Variants in HSPB6 observed in about 807,000 individuals in gnomAD.
The protein encoded by HSPB6 is heat shock protein beta-6.
A neutral mutation model predicts 10.7 loss-of-function variants in HSPB6; 8 were observed. The ratio of observed to expected loss-of-function variants is 0.75; its 90% CI spans 0.44 to 1.35. The LOEUF is 1.35. Among genes scored for constraint, HSPB6 ranks in the 40% most tolerant of loss-of-function variants. HSPB6 has a pLI of 0.00. For missense variants in HSPB6, 232 were observed against 236.0 expected (o/e 0.98, Z 0.11); for synonymous variants, 128 against 114.2 (o/e 1.12, Z -0.77).
rs759986841 is a variant in HSPB6 at position 35,754,808 on chromosome 19, G to A, written c.*714C>T. Reference sequence around the variant, plus strand: ...GGAGGGGGCCTAGGACATCCGTGCAGAGTCTGGGGAGGTTGGGGTGGGAGA... The same window carrying A: ...GGAGGGGGCCTAGGACATCCGTGCAAAGTCTGGGGAGGTTGGGGTGGGAGA... On this transcript the variant is annotated 3_prime_UTR_variant, in exon 3 of 3. Transcript: ENST00000004982. 4.5e-5 allele frequency: 19 copies of A among 424,064 alleles called. No individual in the cohort carries two copies. Among genetic ancestry groups the A allele is most frequent in the Non-Finnish European group, 8.4e-5 (19 of 226,916 alleles). 26.3% of individuals were successfully genotyped at this position (424,064 alleles called of 1,614,324 possible).
rs1435589327 is a variant in HSPB6 at position 35,754,977 on chromosome 19, G to C, written c.*545C>G. 1.4e-5 allele frequency: 4 copies of C among 282,554 alleles called. No individual in the cohort carries two copies. The East Asian group carries it at 4.1e-4, about 29-fold the overall frequency. The allele number at this position is 282,554 out of a possible 1,614,324, so 17.5% of individuals were successfully genotyped here. A position where few individuals can be genotyped will look rare whatever the true frequency, so the allele number is the denominator to read the frequency against. On this transcript the variant is annotated 3_prime_UTR_variant, in exon 3 of 3. Transcript: ENST00000004982. ...GGAGGGGGCAGTTGTAGACTGTCTGGTTGCAGGGGAAGGATCGGGTCTTGG... is the reference window on the plus strand; with the variant it reads ...GGAGGGGGCAGTTGTAGACTGTCTGCTTGCAGGGGAAGGATCGGGTCTTGG...
chr19:35,756,177 C>G (rs1019291561), intron 1 of HSPB6, among the ~76,000 whole-genome samples: 3 of 152,008 alleles, frequency 2.0e-5, no homozygotes, highest in Non-Finnish European at 2.9e-5. Context: ...GTCAGCGAAT[C>G]CGAAGTCATC....
chr19:35,756,567 G>A (rs1181146529), intron 1 of HSPB6, among the ~76,000 whole-genome samples: 1 of 152,164 alleles, frequency 6.6e-6, no homozygotes, highest in Non-Finnish European at 1.5e-5. Context: ...GAGTGACCCA[G>A]GCCTTCCATT....
At position 35,755,814 on chromosome 19, in the gene HSPB6, C is replaced by A; in HGVS notation, c.279G>T (p.Val93=). 6.3e-7 allele frequency: 1 copy of A among 1,597,086 alleles called. No individual in the cohort carries two copies. Among genetic ancestry groups the A allele is most frequent in the East Asian group, 2.3e-5 (1 of 43,832 alleles). The change falls in exon 2 of 3, where the codon GTG becomes GTT. Residue 93 remains valine (V), a synonymous_variant. Coordinates refer to ENST00000004982, the MANE Select transcript of HSPB6 (RefSeq NM_144617.3). The stretch of plus-strand genomic sequence containing the variant: ...GCGCGTGCACCTCCACGTGTTCGCC[C>A]ACCACCTTGACAGCAATTTCCTCCG... ...FSPEEIAVKV[V]GEHVEVHARH... is the part of the protein sequence containing the mutation.
At chr19:35,756,463 G>T (rs1970758177) in intron 1 of HSPB6, among the ~76,000 whole-genome samples, 1 of 152,132 alleles carries the variant, frequency 6.6e-6, no homozygotes, top group Admixed American at 6.5e-5. Context: ...CCGAGACTAA[G>T]AACATTCCTT....
At position 35,755,498 on chromosome 19, in the gene HSPB6, G is replaced by C; in HGVS notation, c.*24C>G. ...GAGGGAGCCTGAGGAGGCTCCCGGG[G>C]TGCGGGCGCGGCCCAGCCCCCTCCT... On this transcript the variant is annotated 3_prime_UTR_variant, in exon 3 of 3. Coordinates refer to ENST00000004982, the MANE Select transcript of HSPB6 (RefSeq NM_144617.3). The C allele has an allele frequency of 6.6e-7, 1 of 1,514,164 alleles. No homozygotes were observed. The highest frequency in any genetic ancestry group is 8.8e-7 in the Non-Finnish European group (1 of 1,137,456). 93.8% of individuals were successfully genotyped at this position (1,514,164 alleles called of 1,614,324 possible). A position where few individuals can be genotyped will look rare whatever the true frequency, so the allele number is the denominator to read the frequency against.
In HSPB6 at chr19:35,754,751, G is replaced by A; in HGVS notation, c.*771C>T. The A allele has an allele frequency of 3.9e-6, 2 of 515,944 alleles. No homozygotes were observed. The highest frequency in any genetic ancestry group is 7.0e-6 in the Non-Finnish European group (2 of 284,468). 32.0% of individuals were successfully genotyped at this position (515,944 alleles called of 1,614,324 possible). On this transcript the variant is annotated 3_prime_UTR_variant, in exon 3 of 3. Coordinates refer to ENST00000004982, the MANE Select transcript of HSPB6 (RefSeq NM_144617.3). ...GAAGACTTGGGGGTCAAGACAAAGGGACTTAGGGGGATGGGGTCTGGTTAG... is the reference window on the plus strand; with the variant it reads ...GAAGACTTGGGGGTCAAGACAAAGGAACTTAGGGGGATGGGGTCTGGTTAG...
In HSPB6 at chr19:35,755,642, G is replaced by T. The variant is rs1380073515; in HGVS notation, c.363C>A (p.Tyr121Ter). Reference protein sequence around the residue: ...GFVAREFHRRYRLPPGVDPAA... With the variant: ...GFVAREFHRR Reference sequence around the variant, plus strand: ...CCGGATCCACGCCAGGCGGCAGGCGGTAGCGACGGTGGAACTCGCGCGCGA... The same window carrying T: ...CCGGATCCACGCCAGGCGGCAGGCGTTAGCGACGGTGGAACTCGCGCGCGA... Residue 121 changes from tyrosine (Y) to a stop codon, truncating the protein, a stop_gained, in exon 3 of 3, where the codon TAC becomes TAA. Transcript: ENST00000004982. LOFTEE classifies it high-confidence loss of function. 1 of 1,534,104 alleles carries T rather than the reference G, an allele frequency of 6.5e-7. No homozygotes were observed. The highest frequency in any genetic ancestry group is 8.7e-7 in the Non-Finnish European group (1 of 1,144,506).
At position 35,756,864 on chromosome 19, in the gene HSPB6, TG is replaced by T. The variant is rs1970768858; in HGVS notation, c.144del (p.Thr49ArgfsTer30). 6.5e-7 allele frequency: 1 copy of T among 1,537,522 alleles called. No homozygotes were observed. The highest frequency in any genetic ancestry group is 8.7e-7 in the Non-Finnish European group (1 of 1,146,052). ...GCGCGCAGGTAGTAGGGGGCGAGCG[TG>T]GTGGGGCAGAGCGCAGCCAGCTCGG... ...LEAELAALCPTTLAPYYLRAP... is the reference protein window; with the variant it reads ...LEAELAALCPXTLAPYYLRAP... On this transcript the variant is annotated frameshift_variant, in exon 1 of 3. Coordinates refer to ENST00000004982, the MANE Select transcript of HSPB6 (RefSeq NM_144617.3). LOFTEE classifies it high-confidence loss of function.
chr19:35,754,606 G>A lies in HSPB6; in HGVS notation c.*916C>T. The A allele has an allele frequency of 3.6e-6, 3 of 839,686 alleles. No individual in the cohort carries two copies. Among genetic ancestry groups the A allele is most frequent in the Non-Finnish European group, 3.9e-6 (2 of 514,470 alleles). 52.0% of individuals were successfully genotyped at this position (839,686 alleles called of 1,614,324 possible). A position where few individuals can be genotyped will look rare whatever the true frequency, so the allele number is the denominator to read the frequency against. ...CACATTTATTGGGAGAGTAAGCCTG[G>A]GAAAGACTAAGGGAGTGGTGGCAGG... On this transcript the variant is annotated 3_prime_UTR_variant, in exon 3 of 3. Transcript: ENST00000004982.
intron 1 of HSPB6, 22 bp from the exon 2 acceptor site, chr19:35,755,916 G>C (rs1243287196): frequency 3.2e-6 from 5 of 1,550,336 alleles, no homozygotes; most frequent in Non-Finnish European, 4.4e-6. Flanking sequence ...GGGCGCGGGC[G>C]GGACTGTCAT....
chr19:35,756,859 G>C lies in HSPB6; in HGVS notation c.150C>G (p.Leu50=). Residue 50 remains leucine, a synonymous_variant, in exon 1 of 3, where the codon CTC becomes CTG. Coordinates refer to ENST00000004982, the MANE Select transcript of HSPB6 (RefSeq NM_144617.3). ...AELAALCPTT[L]APYYLRAPSV... is the part of the protein sequence containing the mutation. ...TGGGTGCGCGCAGGTAGTAGGGGGC[G>C]AGCGTGGTGGGGCAGAGCGCAGCCA... The C allele has an allele frequency of 6.5e-7, 1 of 1,537,642 alleles. No homozygotes were observed. Among genetic ancestry groups the C allele is most frequent in the Non-Finnish European group, 8.7e-7 (1 of 1,146,308 alleles).
Position 35,756,820 on chromosome 19 carries a change from G to T in HSPB6, c.189C>A (p.Pro63=). The T allele has an allele frequency of 6.5e-7, 1 of 1,536,012 alleles. No homozygotes were observed. ...TCCCCAGGCCTGGCACCTGGGCGAC[G>T]GGCAGCGCCACGCTGGGTGCGCGCA... The part of the protein sequence containing the change: ...YYLRAPSVAL[P]VAQVPTDPGH... Residue 63 remains proline (P), a synonymous_variant, in exon 1 of 3, where the codon CCC becomes CCA. Transcript: ENST00000004982.
chr19:35,756,961 C>T lies in HSPB6; in HGVS notation c.48G>A (p.Ser16=). The T allele has an allele frequency of 1.3e-6, 2 of 1,544,930 alleles. No individual in the cohort carries two copies. The highest frequency in any genetic ancestry group is 8.7e-7 in the Non-Finnish European group (1 of 1,146,620). ...PVQPSWLRRA[S]APLPGLSAPG... is the part of the protein sequence containing the mutation. Reference sequence around the variant, plus strand: ...GCGCCGAAAGTCCGGGCAACGGGGCCGAGGCGCGGCGCAGCCAAGACGGCT... The same window carrying T: ...GCGCCGAAAGTCCGGGCAACGGGGCTGAGGCGCGGCGCAGCCAAGACGGCT... Residue 16 remains serine, a synonymous_variant, in exon 1 of 3, where the codon TCG becomes TCA. Transcript: ENST00000004982.
Position 35,755,870 on chromosome 19 carries a change from A to C in HSPB6, c.223T>G (p.Ser75Ala). The change falls in exon 2 of 3, where the codon TCG becomes GCG. Residue 75 changes from serine (S) to alanine (A), a missense_variant. By Grantham distance (99) the Ser-to-Ala change is moderately conservative. Coordinates refer to ENST00000004982, the MANE Select transcript of HSPB6 (RefSeq NM_144617.3). ...AAGTGCTTCACGTCTAGCAGCACCG[A>C]AAAGTGGCCGGGGTCCGTCGGCACC... The part of the protein sequence containing the change: ...AQVPTDPGHF[S>A]VLLDVKHFSP... 1 of 1,579,584 alleles carries C rather than the reference A, an allele frequency of 6.3e-7. No homozygotes were observed. Among genetic ancestry groups the C allele is most frequent in the Non-Finnish European group, 8.6e-7 (1 of 1,164,116 alleles).
At chr19:35,756,728 TTCTC>T (rs1249232626) in intron 1 of HSPB6, 79 bp downstream of exon 1, 2 of 1,401,344 alleles carry the variant, frequency 1.4e-6, no homozygotes, top group African/African-American at 2.9e-5. Flanking sequence ...CCAACGAACA[TTCTC>T]TCACATGTTC....
chr19:35,754,568 G>A lies in HSPB6; in HGVS notation c.*954C>T. On this transcript the variant is annotated 3_prime_UTR_variant, in exon 3 of 3. Transcript: ENST00000004982. ...TTCCTGGCCCAGGCACAAAGCAGTTGGCAGAGCTCTAGCACATTTATTGGG... is the reference window on the plus strand; with the variant it reads ...TTCCTGGCCCAGGCACAAAGCAGTTAGCAGAGCTCTAGCACATTTATTGGG... 8.8e-7 allele frequency: 1 copy of A among 1,140,870 alleles called. No individual in the cohort carries two copies. Among genetic ancestry groups the A allele is most frequent in the South Asian group, 1.3e-5 (1 of 78,402 alleles). 70.7% of individuals were successfully genotyped at this position (1,140,870 alleles called of 1,614,324 possible).
Position 35,754,952 on chromosome 19 carries a change from G to A in HSPB6, c.*570C>T. On this transcript the variant is annotated 3_prime_UTR_variant, in exon 3 of 3. Coordinates refer to ENST00000004982, the MANE Select transcript of HSPB6 (RefSeq NM_144617.3). Reference sequence around the variant, plus strand: ...GGGGTTTCACGGCAGAAAATGGGCTGGAGGGGGCAGTTGTAGACTGTCTGG... The same window carrying A: ...GGGGTTTCACGGCAGAAAATGGGCTAGAGGGGGCAGTTGTAGACTGTCTGG... 1 of 296,030 alleles carries A rather than the reference G, an allele frequency of 3.4e-6. No homozygotes were observed. The highest frequency in any genetic ancestry group is 3.2e-5 in the South Asian group (1 of 30,990). The allele number at this position is 296,030 out of a possible 1,614,324, so 18.3% of individuals were successfully genotyped here.
Position 35,755,520 on chromosome 19 carries a change from T to G in HSPB6, c.*2A>C, listed in dbSNP as rs1343075193. 5.1e-6 allele frequency: 5 copies of G among 973,986 alleles called. No individual in the cohort carries two copies. The South Asian group carries it at 7.0e-5, about 14-fold the overall frequency. 60.3% of individuals were successfully genotyped at this position (973,986 alleles called of 1,614,324 possible). A position where few individuals can be genotyped will look rare whatever the true frequency, so the allele number is the denominator to read the frequency against. On this transcript the variant is annotated 3_prime_UTR_variant, in exon 3 of 3. Coordinates refer to ENST00000004982, the MANE Select transcript of HSPB6 (RefSeq NM_144617.3). ...GGGGTGCGGGCGCGGCCCAGCCCCCTCCTACTTGGCTGCGGCTGGCGGTGG... is the reference window on the plus strand; with the variant it reads ...GGGGTGCGGGCGCGGCCCAGCCCCCGCCTACTTGGCTGCGGCTGGCGGTGG...
Sources: allele counts gnomAD v4.1 joint callset (sites outside exome capture counted in the v4.1 genomes callset), GRCh38; gene constraint gnomAD v4.1.1; transcripts MANE v1.5; gene names NCBI Gene and HGNC (gene_info 2026-07-23, HGNC 2026-07-21).